ATRN: variants seen among roughly 807,000 people sequenced by gnomAD.
ATRN encodes the protein attractin-2.
ATRN carries 54 observed loss-of-function variants against 178.7 expected under a neutral mutation model. The observed-to-expected ratio is 0.30, with a 90% CI of 0.24 to 0.38. The LOEUF is 0.38. ATRN is among the 10% of genes least tolerant of loss of function. The pLI, the probability that ATRN is intolerant of heterozygous loss-of-function variation, is 1.00. For missense variants in ATRN, 1,443 were observed against 1,815.1 expected, an observed-to-expected ratio of 0.79 and a Z score of 3.73; for synonymous variants, 636 against 663.0, an observed-to-expected ratio of 0.96 and a Z score of 0.63.
At chr20:3,608,155 A>G (rs911024265) in intron 24 of ATRN, among the ~76,000 whole-genome samples, 3 of 152,150 alleles carry the variant, frequency 2.0e-5, no homozygotes, top group African/African-American at 4.8e-5. Flanking sequence ...CTCTCATTCT[A>G]TAAGCTGTCT....
intron 1 of ATRN, among the ~76,000 whole-genome samples, chr20:3,486,424 T>G (rs2146079453): frequency 6.6e-6 from 1 of 152,274 alleles, no homozygotes; most frequent in South Asian, 2.1e-4. Context: ...TTTTATTTTT[T>G]TGAGACAGAG....
intron 25 of ATRN, among the ~76,000 whole-genome samples, chr20:3,630,363 C>T (rs1374651219): frequency 6.6e-6 from 1 of 152,182 alleles, no homozygotes; most frequent in Non-Finnish European, 1.5e-5. Flanking sequence ...CTCCTATACA[C>T]ACACAGCTTC....
intron 2 of ATRN, among the ~76,000 whole-genome samples, chr20:3,538,426 C>T (rs2085571028): frequency 6.6e-6 from 1 of 152,080 alleles, no homozygotes; most frequent in South Asian, 2.1e-4. Flanking sequence ...TTTTGACCTC[C>T]TGGGACCTCC....
chr20:3,555,895 A>T (rs2085869922), intron 6 of ATRN, among the ~76,000 whole-genome samples: 1 of 152,206 alleles, frequency 6.6e-6, no homozygotes, highest in African/African-American at 2.4e-5. Flanking sequence ...ATCTAACAAG[A>T]ACCCATCATG....
At chr20:3,620,219 A>AGTTTTGTTTTGTTTT (rs58441132) in intron 24 of ATRN, among the ~76,000 whole-genome samples, 89 of 148,478 alleles carry the variant, frequency 6.0e-4, no homozygotes, top group African/African-American at 2.2e-3. Context: ...GCACAGGAGG[A>AGTTTTGTTTTGTTTT]GTTTTGTTTT....
At chr20:3,542,931 A>G (rs1320081426) in intron 3 of ATRN, among the ~76,000 whole-genome samples, 8 of 151,178 alleles carry the variant, frequency 5.3e-5, no homozygotes, top group Admixed American at 4.0e-4. Flanking sequence ...GAGCCACTGC[A>G]CCCGGCCGAA....
intron 18 of ATRN, among the ~76,000 whole-genome samples, chr20:3,585,428 A>G (rs2086344203): frequency 6.6e-6 from 1 of 152,224 alleles, no homozygotes; most frequent in Admixed American, 6.5e-5. Flanking sequence ...TGGTTATTGG[A>G]GATAAAGAAG....
intron 24 of ATRN, among the ~76,000 whole-genome samples, chr20:3,620,100 C>G (rs1285952504): frequency 1.3e-5 from 2 of 152,150 alleles, no homozygotes; most frequent in Non-Finnish European, 2.9e-5. Context: ...CCTCCCACTC[C>G]CCAAAAGAGC....
intron 6 of ATRN, among the ~76,000 whole-genome samples, chr20:3,552,847 A>G (rs1443292683): frequency 6.6e-6 from 1 of 152,166 alleles, no homozygotes; most frequent in Admixed American, 6.5e-5. Context: ...GAGGCCACCC[A>G]GTTTCTTGTC....
intron 11 of ATRN, among the ~76,000 whole-genome samples, chr20:3,571,686 C>G (rs982498131): frequency 1.3e-5 from 2 of 150,490 alleles, no homozygotes; most frequent in Non-Finnish European, 3.0e-5. Context: ...GCATTTTTTT[C>G]TCTGCAAACT....
intron 20 of ATRN, among the ~76,000 whole-genome samples, chr20:3,594,790 T>C (rs1353950281): frequency 6.6e-6 from 1 of 152,234 alleles, no homozygotes; most frequent in Non-Finnish European, 1.5e-5. Context: ...TAATGGCTCT[T>C]GAATTCACAT....
chr20:3,502,655 C>T (rs2084980179), intron 1 of ATRN, among the ~76,000 whole-genome samples: 2 of 152,184 alleles, frequency 1.3e-5, no homozygotes, highest in African/African-American at 2.4e-5. Context: ...ACATTCCTTC[C>T]TTGCCTGTCC....
At chr20:3,508,604 A>T (rs951393571) in intron 1 of ATRN, among the ~76,000 whole-genome samples, 14 of 152,214 alleles carry the variant, frequency 9.2e-5, no homozygotes, top group African/African-American at 3.4e-4. Context: ...GAACAAATAC[A>T]GAGGGGATTA....
intron 1 of ATRN, among the ~76,000 whole-genome samples, chr20:3,507,017 G>A (rs530125658): frequency 1.3e-5 from 2 of 151,634 alleles, no homozygotes; most frequent in African/African-American, 4.8e-5. Flanking sequence ...TACTAGGTTG[G>A]TGCAAAAGTA....
chr20:3,584,090 GA>G lies in ATRN; in HGVS notation c.2950+12del, dbSNP rs751841658. 11 of 1,610,770 alleles carry G rather than the reference GA, an allele frequency of 6.8e-6. No homozygotes were observed. The Admixed American group carries it at 1.3e-4, about 20-fold the overall frequency. On this transcript the variant is annotated splice_region_variant and intron_variant, in intron 17 of 28. Transcript: ENST00000262919. ...ACGATGAGCACCTGCCCCCGTAAGT[GA>G]AAAAGGGAGCCCTAGGCACTTATGC...
chr20:3,542,220 G>A (rs1225623124), intron 3 of ATRN, among the ~76,000 whole-genome samples: 1 of 152,218 alleles, frequency 6.6e-6, no homozygotes, highest in Non-Finnish European at 1.5e-5. Flanking sequence ...CCAAAACTAA[G>A]TGTGATGTTA....
chr20:3,483,151 A>G lies in ATRN; in HGVS notation c.410+11634A>G, dbSNP rs16988574. 6.0e-3 allele frequency among the ~76,000 whole-genome samples: 919 copies of G among 152,286 alleles called. 13 individuals carry two copies. Among genetic ancestry groups the G allele is most frequent in the African/African-American group, 0.021 (854 of 41,552 alleles). On this transcript the variant is annotated intron_variant, in intron 1 of 28. Coordinates refer to ENST00000262919, the MANE Select transcript of ATRN (RefSeq NM_139321.3). ...AGTACAGAGAGATATTTCTGCAAAC[A>G]ATATCTTATTCCCAAAAACATGTAG...
At chr20:3,642,312 A>G (rs1600175068) in intron 27 of ATRN, among the ~76,000 whole-genome samples, 1 of 152,346 alleles carries the variant, frequency 6.6e-6, no homozygotes, top group East Asian at 1.9e-4. Flanking sequence ...CCACTTGGAT[A>G]TCTTAACATG....
At chr20:3,520,683 G>C (rs1043171064) in intron 1 of ATRN, among the ~76,000 whole-genome samples, 4 of 152,060 alleles carry the variant, frequency 2.6e-5, no homozygotes, top group Admixed American at 2.6e-4. Flanking sequence ...TTTTAGTAGA[G>C]ATGGAGTTTC....
Sources: gnomAD v4.1 joint callset for allele counts (sites outside exome capture counted in the v4.1 genomes callset) on GRCh38, gnomAD v4.1.1 for gene constraint, MANE v1.5 for transcripts, NCBI Gene and HGNC (gene_info 2026-07-23, HGNC 2026-07-21) for gene names.